The following PDE4D variants were observed in gnomAD, a reference collection of about 807,000 sequenced individuals.
PDE4D encodes phosphodiesterase 4D, also known as 3',5'-cyclic-AMP phosphodiesterase 4D.
PDE4D carries 24 observed loss-of-function variants against 87.4 expected under a neutral mutation model. The observed-to-expected ratio is 0.27, with a 90% CI of 0.20 to 0.39. PDE4D has a LOEUF of 0.39. Among genes scored for constraint, PDE4D ranks in the 10% least tolerant of loss-of-function variants. The pLI is 1.00. For missense variants in PDE4D, 714 were observed against 1,041.0 expected, an observed-to-expected ratio of 0.69 and a Z score of 4.32; for synonymous variants, 384 against 383.2, an observed-to-expected ratio of 1.00 and a Z score of -0.02.
intron 1 of PDE4D, among the ~76,000 whole-genome samples, chr5:59,853,505 A>G (rs555107595): frequency 6.6e-6 from 1 of 152,222 alleles, no homozygotes; most frequent in Admixed American, 6.5e-5. Context: ...TTTCCTATGC[A>G]TATGTTATAA....
At chr5:60,327,536 G>A (rs1756914513) in intron 1 of PDE4D, among the ~76,000 whole-genome samples, 2 of 152,106 alleles carry the variant, frequency 1.3e-5, no homozygotes, top group African/African-American at 2.4e-5. Context: ...ATATTCTGGG[G>A]TGCATATTCT....
chr5:60,163,726 C>T (rs973135451), intron 2 of PDE4D, among the ~76,000 whole-genome samples: 7 of 152,146 alleles, frequency 4.6e-5, no homozygotes, highest in African/African-American at 1.7e-4. Context: ...TTATTTCCTC[C>T]AACCTTTCAT....
rs539208492 is a variant in PDE4D at position 60,105,013 on chromosome 5, A to G, written c.42+80544T>C. Among the ~76,000 whole-genome samples, 4 of 152,368 alleles carry G rather than the reference A, an allele frequency of 2.6e-5. No individual in the cohort carries two copies. In the South Asian group the frequency reaches 8.3e-4, roughly 32 times the overall value. On this transcript the variant is annotated intron_variant, in intron 2 of 16. Coordinates refer to the PDE4D transcript ENST00000502484. ...AGCAATGGAACAAAGCTGGACGAAG[A>G]ATGACTTTGACGAGTTGAGAGAAGA...
At chr5:59,050,146 A>T (rs573298980) in intron 5 of PDE4D, among the ~76,000 whole-genome samples, 1 of 152,318 alleles carries the variant, frequency 6.6e-6, no homozygotes, top group East Asian at 1.9e-4. Context: ...GGGTGCCTGT[A>T]ATCCCAGCTA....
chr5:59,518,193 TTGTGTG>T (rs34669732), intron 1 of PDE4D, among the ~76,000 whole-genome samples: 33,409 of 149,426 alleles, frequency 0.22, 4,269 homozygotes, highest in Non-Finnish European at 0.3. Flanking sequence ...ACTTGTGTGT[TTGTGTG>T]TGTGTGTGTG....
intron 1 of PDE4D, among the ~76,000 whole-genome samples, chr5:59,755,417 T>A (rs971330715): frequency 3.9e-5 from 6 of 152,142 alleles, no homozygotes; most frequent in African/African-American, 1.4e-4. Context: ...AAAATGTAAG[T>A]CTACTAGAAA....
intron 1 of PDE4D, among the ~76,000 whole-genome samples, chr5:59,618,819 T>C (rs1830010530): frequency 6.6e-6 from 1 of 152,122 alleles, no homozygotes; most frequent in Non-Finnish European, 1.5e-5. Context: ...TCCACCCTCA[T>C]GGGAGGCATT....
intron 5 of PDE4D, among the ~76,000 whole-genome samples, chr5:59,076,477 A>G (rs1321284023): frequency 2.6e-5 from 4 of 152,190 alleles, no homozygotes; most frequent in Non-Finnish European, 5.9e-5. Context: ...TTAATGCCAT[A>G]ACAATGAAAA....
intron 1 of PDE4D, among the ~76,000 whole-genome samples, chr5:60,390,002 A>G (rs1762456545): frequency 6.6e-6 from 1 of 152,212 alleles, no homozygotes; most frequent in Non-Finnish European, 1.5e-5. Flanking sequence ...TCGCTCTCAT[A>G]GATCTTTGCC....
intron 2 of PDE4D, among the ~76,000 whole-genome samples, chr5:59,996,957 A>G (rs1447027133): frequency 6.6e-6 from 1 of 152,178 alleles, no homozygotes; most frequent in Non-Finnish European, 1.5e-5. Context: ...AAGTCCTTCT[A>G]AAGCCAATTT....
chr5:59,911,632 TG>T (rs548204993), intron 3 of PDE4D, among the ~76,000 whole-genome samples: 22 of 152,192 alleles, frequency 1.4e-4, no homozygotes, highest in Non-Finnish European at 2.9e-4. Context: ...GGAGGCAAAA[TG>T]AACCCACTGG....
chr5:59,000,006 CTT>C lies in PDE4D; in HGVS notation c.922-6543_922-6542del, dbSNP rs1427491367. Reference sequence around the variant, plus strand: ...ACTCTGCACCAATTGCATTCCAGCTCTTAGCCTATAAGGCGAGGGGGTGTGGC... The same window carrying C: ...ACTCTGCACCAATTGCATTCCAGCTCAGCCTATAAGGCGAGGGGGTGTGGC... On this transcript the variant is annotated intron_variant, in intron 6 of 14. Transcript: ENST00000340635. 9 of 732,976 alleles carry C rather than the reference CTT, an allele frequency of 1.2e-5. No individual in the cohort carries two copies. In the Admixed American group the frequency reaches 3.8e-4, roughly 31 times the overall value. 45.4% of individuals were successfully genotyped at this position (732,976 alleles called of 1,614,324 possible).
At chr5:60,161,062 T>G (rs1162049885) in intron 2 of PDE4D, among the ~76,000 whole-genome samples, 1 of 152,184 alleles carries the variant, frequency 6.6e-6, no homozygotes, top group Non-Finnish European at 1.5e-5. Flanking sequence ...ACATAGAATT[T>G]TCTAAAAGAA....
chr5:60,087,546 A>C lies in PDE4D; in HGVS notation c.42+98011T>G, dbSNP rs186308177. ...GAACAAAATAAGAAATTTCACAAAA[A>C]TAAAAACAATTTTAAGAGAGCAAAC... is the stretch of plus-strand genomic sequence containing the variant. On this transcript the variant is annotated intron_variant, in intron 2 of 16. Coordinates refer to the PDE4D transcript ENST00000502484. 3.7e-3 allele frequency among the ~76,000 whole-genome samples: 565 copies of C among 152,342 alleles called. 2 individuals are homozygous for C. Among genetic ancestry groups the C allele is most frequent in the Admixed American group, 7.3e-3 (111 of 15,298 alleles).
chr5:60,115,456 A>G (rs1562113789), intron 2 of PDE4D, among the ~76,000 whole-genome samples: 1 of 152,140 alleles, frequency 6.6e-6, no homozygotes, highest in African/African-American at 2.4e-5. Flanking sequence ...ACACCAAATA[A>G]TGAGGATAAT....
At chr5:59,472,220 T>C (rs764546258) in intron 1 of PDE4D, among the ~76,000 whole-genome samples, 1 of 152,218 alleles carries the variant, frequency 6.6e-6, no homozygotes, top group Non-Finnish European at 1.5e-5. Context: ...AAAGTAAATA[T>C]GCTTGCTGAC....
At chr5:60,387,690 G>A (rs1762288204) in intron 1 of PDE4D, among the ~76,000 whole-genome samples, 1 of 152,208 alleles carries the variant, frequency 6.6e-6, no homozygotes, top group East Asian at 1.9e-4. Flanking sequence ...CTCTCAAACC[G>A]TGTTTTTCCT....
intron 1 of PDE4D, among the ~76,000 whole-genome samples, chr5:59,765,245 C>A (rs1238192590): frequency 6.6e-6 from 1 of 152,186 alleles, no homozygotes; most frequent in Non-Finnish European, 1.5e-5. Flanking sequence ...GAAGCAAGGT[C>A]TTTCCAATCA....
intron 6 of PDE4D, among the ~76,000 whole-genome samples, chr5:59,020,354 T>C (rs923338569): frequency 6.6e-6 from 1 of 152,012 alleles, no homozygotes; most frequent in African/African-American, 2.4e-5. Flanking sequence ...GCACCTGTTA[T>C]ACCCACTACT....
Sources: allele counts gnomAD v4.1 joint callset (sites outside exome capture counted in the v4.1 genomes callset), GRCh38; gene constraint gnomAD v4.1.1; transcripts MANE v1.5; gene names NCBI Gene and HGNC (gene_info 2026-07-23, HGNC 2026-07-21).